ANKRD6: variants seen among roughly 807,000 people sequenced by gnomAD.
The protein encoded by ANKRD6 is ankyrin repeat domain-containing protein 6.
A neutral mutation model predicts 82.3 loss-of-function variants in ANKRD6; 56 were observed. That is an observed-to-expected ratio of 0.68 (90% CI 0.55 to 0.85). The LOEUF (loss-of-function observed/expected upper bound fraction) is 0.85, where lower values mean the gene tolerates loss of function less well. ANKRD6 is among the 40% of genes least tolerant of loss of function. The probability of loss-of-function intolerance (pLI) is 0.00; values close to 1 mark genes in which losing one functional copy is unlikely to be tolerated. For synonymous variants in ANKRD6, 347 were observed against 352.1 expected, an observed-to-expected ratio of 0.99 and a Z score of 0.16; for missense variants, 852 against 907.6, an observed-to-expected ratio of 0.94 and a Z score of 0.79.
chr6:89,600,625 C>T (rs1284500311), intron 3 of ANKRD6, among the ~76,000 whole-genome samples: 1 of 152,134 alleles, frequency 6.6e-6, no homozygotes. Context: ...AAGAAGGGCA[C>T]TGTCTTTCTT....
intron 1 of ANKRD6, among the ~76,000 whole-genome samples, chr6:89,458,080 C>G (rs1773696970): frequency 6.6e-6 from 1 of 152,186 alleles, no homozygotes; most frequent in Admixed American, 6.5e-5. Context: ...GATTCCAAAT[C>G]TTCTGGTTTC....
intron 1 of ANKRD6, among the ~76,000 whole-genome samples, chr6:89,535,756 A>C (rs1783746631): frequency 6.6e-6 from 1 of 152,210 alleles, no homozygotes; most frequent in Non-Finnish European, 1.5e-5. Flanking sequence ...GAAGCTAGGG[A>C]GGCAGTGTCA....
At chr6:89,613,929 T>C (rs1241071673) in intron 7 of ANKRD6, 39 bp downstream of exon 7, 1 of 1,602,564 alleles carries the variant, frequency 6.2e-7, no homozygotes. Context: ...CCAGCACCCT[T>C]CCCACAAGGC....
At chr6:89,556,508 C>T (rs938602928) in intron 1 of ANKRD6, among the ~76,000 whole-genome samples, 1 of 152,172 alleles carries the variant, frequency 6.6e-6, no homozygotes, top group Non-Finnish European at 1.5e-5. Context: ...AAGTGAAAAC[C>T]CATCTGCAGA....
In ANKRD6 at chr6:89,469,319, A is replaced by G. The variant is rs191886398; in HGVS notation, c.-144+35944A>G. On this transcript the variant is annotated intron_variant, in intron 1 of 15. Coordinates refer to ENST00000339746, the MANE Select transcript of ANKRD6 (RefSeq NM_001242809.2). ...CAACCTTAGCTCAGATCTCTGCCACATTAGCTTTTTCATTGGGCTTTTCCT... is the reference window on the plus strand; with the variant it reads ...CAACCTTAGCTCAGATCTCTGCCACGTTAGCTTTTTCATTGGGCTTTTCCT... 7.8e-4 allele frequency among the ~76,000 whole-genome samples: 119 copies of G among 152,236 alleles called. 1 individual carries two copies. Among genetic ancestry groups the G allele is most frequent in the South Asian group, 1.2e-3 (6 of 4,824 alleles).
chr6:89,601,695 T>C (rs1030383369), intron 3 of ANKRD6: 10 of 152,152 alleles, frequency 6.6e-5, no homozygotes, highest in African/African-American at 2.4e-4. Flanking sequence ...TCAGTGGCAT[T>C]AAGTACACTC....
intron 15 of ANKRD6, 30 bp from the exon 16 acceptor site, chr6:89,630,403 C>T (rs775897470): frequency 1.3e-5 from 21 of 1,587,066 alleles, no homozygotes; most frequent in Non-Finnish European, 1.8e-5. Flanking sequence ...TGTGGATTTG[C>T]TCTCACGTTT....
intron 2 of ANKRD6, among the ~76,000 whole-genome samples, chr6:89,583,219 A>C (rs1287327015): frequency 6.6e-6 from 1 of 152,214 alleles, no homozygotes; most frequent in Non-Finnish European, 1.5e-5. Flanking sequence ...GCATCGGGCC[A>C]AGCCAGTGGT....
chr6:89,620,892 C>T (rs753469311), intron 9 of ANKRD6, among the ~76,000 whole-genome samples: 28 of 152,164 alleles, frequency 1.8e-4, no homozygotes, highest in Admixed American at 3.3e-4. Flanking sequence ...GGTGAAACCC[C>T]GTCTCTACTA....
chr6:89,606,712 C>T (rs945373402), intron 5 of ANKRD6, among the ~76,000 whole-genome samples: 4 of 151,798 alleles, frequency 2.6e-5, no homozygotes, highest in Non-Finnish European at 4.4e-5. Flanking sequence ...AAAAATTATC[C>T]GGGAATGGTG....
intron 2 of ANKRD6, among the ~76,000 whole-genome samples, chr6:89,585,842 T>A (rs1488946831): frequency 6.6e-6 from 1 of 152,154 alleles, no homozygotes; most frequent in Non-Finnish European, 1.5e-5. Context: ...GAGGCGGAGG[T>A]TGCAGTGAGC....
At chr6:89,487,131 ATTAT>A (rs996374469) in intron 1 of ANKRD6, among the ~76,000 whole-genome samples, 3 of 152,204 alleles carry the variant, frequency 2.0e-5, no homozygotes, top group African/African-American at 7.2e-5. Flanking sequence ...GGCTTTGTGC[ATTAT>A]TTACTCATCT....
intron 1 of ANKRD6, among the ~76,000 whole-genome samples, chr6:89,474,812 C>T (rs1775863418): frequency 6.6e-6 from 1 of 152,182 alleles, no homozygotes; most frequent in African/African-American, 2.4e-5. Context: ...TGAAACCAAC[C>T]ATGAGTTGAA....
intron 1 of ANKRD6, among the ~76,000 whole-genome samples, chr6:89,481,948 C>T (rs1252438668): frequency 2.0e-5 from 3 of 152,192 alleles, no homozygotes; most frequent in East Asian, 1.9e-4. Flanking sequence ...TGGGTCAAAG[C>T]ACCTCTTTTG....
intron 4 of ANKRD6, among the ~76,000 whole-genome samples, 183 bp from the exon 5 acceptor site, chr6:89,605,824 A>G (rs1035585511): frequency 1.3e-5 from 2 of 152,112 alleles, no homozygotes; most frequent in African/African-American, 4.8e-5. Context: ...ATGATGTATC[A>G]TTTCTGGGAT....
chr6:89,616,665 G>A lies in ANKRD6; in HGVS notation c.714+8G>A, dbSNP rs1173360325. 1 of 1,613,678 alleles carries A rather than the reference G, an allele frequency of 6.2e-7. No homozygotes were observed. Among genetic ancestry groups the A allele is most frequent in the African/African-American group, 1.3e-5 (1 of 75,064 alleles). On this transcript the variant is annotated splice_region_variant and intron_variant, in intron 8 of 15. Transcript: ENST00000339746. ...ACGACCATTGTTAACAATGTAAGTT[G>A]AGTTGCAACATTGCTTTCTAAAGTG...
At chr6:89,520,882 G>A (rs2127967211) in intron 1 of ANKRD6, among the ~76,000 whole-genome samples, 1 of 152,282 alleles carries the variant, frequency 6.6e-6, no homozygotes, top group African/African-American at 2.4e-5. Flanking sequence ...TAGCTATCTG[G>A]GAGGCTGAGG....
chr6:89,556,626 C>G (rs746706790), intron 1 of ANKRD6, among the ~76,000 whole-genome samples: 1 of 152,176 alleles, frequency 6.6e-6, no homozygotes, highest in Non-Finnish European at 1.5e-5. Flanking sequence ...AGTTAGAGAC[C>G]GTTGCAATAA....
rs545482062 is a variant in ANKRD6 at position 89,494,684 on chromosome 6, C to G, written c.-144+61309C>G. The stretch of plus-strand genomic sequence containing the variant: ...CCTGCAGCCAATCTTTTTTGCCTAT[C>G]CACACCATCCTTGCAGTGTGCCTTC... On this transcript the variant is annotated intron_variant, in intron 1 of 15. Coordinates refer to ENST00000339746, the MANE Select transcript of ANKRD6 (RefSeq NM_001242809.2). Among the ~76,000 whole-genome samples the G allele has an allele frequency of 1.6e-3, 243 of 152,258 alleles. 2 individuals are homozygous for G. The highest frequency in any genetic ancestry group is 5.5e-3 in the African/African-American group (228 of 41,562).
Sources: allele counts gnomAD v4.1 joint callset (sites outside exome capture counted in the v4.1 genomes callset), GRCh38; gene constraint gnomAD v4.1.1; transcripts MANE v1.5; gene names NCBI Gene and HGNC (gene_info 2026-07-23, HGNC 2026-07-21).